Variants in MORC2 observed in about 807,000 individuals in gnomAD.
MORC2 encodes the protein ATPase MORC2.
A neutral mutation model predicts 136.0 loss-of-function variants in MORC2; 30 were observed. The ratio of observed to expected loss-of-function variants is 0.22; its 90% CI spans 0.17 to 0.30. The LOEUF is 0.30. MORC2 is among the 10% of genes least tolerant of loss of function. MORC2 has a pLI of 1.00. For missense variants in MORC2, 922 were observed against 1,333.1 expected, an observed-to-expected ratio of 0.69 and a Z score of 4.80; for synonymous variants, 439 against 487.0, an observed-to-expected ratio of 0.90 and a Z score of 1.30.
At chr22:30,965,861 A>C (rs532145396) in intron 1 of MORC2, among the ~76,000 whole-genome samples, 1 of 152,388 alleles carries the variant, frequency 6.6e-6, no homozygotes, top group African/African-American at 2.4e-5. Context: ...TTTATAGACA[A>C]GCAAATAGGC....
intron 3 of MORC2, among the ~76,000 whole-genome samples, chr22:30,953,322 C>G (rs925395420): frequency 3.9e-5 from 6 of 152,212 alleles, no homozygotes; most frequent in Non-Finnish European, 7.3e-5. Context: ...GCCGAACTGC[C>G]TGCTTTGCAG....
intron 24 of MORC2, among the ~76,000 whole-genome samples, chr22:30,928,470 G>A (rs1290640377): frequency 6.6e-6 from 1 of 152,234 alleles, no homozygotes; most frequent in Admixed American, 6.5e-5. Context: ...AGCAGGCCGT[G>A]AGGACGCGTG....
intron 5 of MORC2, among the ~76,000 whole-genome samples, chr22:30,947,301 A>G (rs1307374827): frequency 6.6e-6 from 1 of 152,236 alleles, no homozygotes; most frequent in Non-Finnish European, 1.5e-5. Context: ...GGCCACATTA[A>G]GCTGGCTAAG....
At chr22:30,936,897 G>T in intron 16 of MORC2, 35 bp downstream of exon 16, 1 of 1,580,388 alleles carries the variant, frequency 6.3e-7, no homozygotes, top group Non-Finnish European at 8.7e-7. Context: ...GGGGAGAAAA[G>T]TACCCACAAT....
Position 30,935,264 on chromosome 22 carries a change from G to C in MORC2, c.1796C>G (p.Thr599Ser). Residue 599 changes from threonine to serine, a missense_variant, in exon 18 of 26, where the codon ACC (threonine) becomes AGC (serine). Physicochemically the swap from Thr to Ser is moderately conservative, Grantham distance 58. Around this residue, in one of 9 missense-constraint regions of MORC2, gnomAD observed 184 missense variants for 180.3 expected, o/e 1.02. Transcript: ENST00000397641. ...DLKKLPLEVT[T>S]RPSTEEPVRR... ...GGACTTCACCTCAGTGGAAGGTCTG[G>C]TGGTCACTTCCAAGGGCAATTTCTT... The C allele has an allele frequency of 6.2e-7, 1 of 1,613,804 alleles. No individual in the cohort carries two copies. The highest frequency in any genetic ancestry group is 8.5e-7 in the Non-Finnish European group (1 of 1,179,902).
intron 1 of MORC2, among the ~76,000 whole-genome samples, chr22:30,959,467 A>G (rs1341856224): frequency 1.3e-5 from 2 of 152,246 alleles, no homozygotes; most frequent in African/African-American, 4.8e-5. Flanking sequence ...TAAATTACAC[A>G]AAAGTGTATG....
At chr22:30,963,965 A>T (rs1197814765) in intron 1 of MORC2, among the ~76,000 whole-genome samples, 2 of 152,206 alleles carry the variant, frequency 1.3e-5, no homozygotes, top group Non-Finnish European at 2.9e-5. Flanking sequence ...TGGCTTTAAT[A>T]TATTTAAGAT....
At chr22:30,950,305 C>T in intron 4 of MORC2, 72 bp downstream of exon 4, 1 of 1,512,276 alleles carries the variant, frequency 6.6e-7, no homozygotes, top group South Asian at 1.1e-5. Flanking sequence ...AACAAGTTCA[C>T]ACAATAAGTA....
At chr22:30,967,328 T>A in intron 1 of MORC2, 1 of 987,522 alleles carries the variant, frequency 1.0e-6, no homozygotes, top group South Asian at 4.6e-5. Context: ...ATGTGAGCAA[T>A]CTGCCAGGAA....
At position 30,967,994 on chromosome 22, in the gene MORC2, T is replaced by C. The variant is rs1383087743; in HGVS notation, c.-105A>G. On this transcript the variant is annotated 5_prime_UTR_variant, in exon 1 of 26. Coordinates refer to ENST00000397641, the MANE Select transcript of MORC2 (RefSeq NM_001303256.3). ...GTCCAGTAAAGCTTCAGTAAGTCTGTGCTCCTTAATGACAGTTAAAGTAAC... is the reference window on the plus strand; with the variant it reads ...GTCCAGTAAAGCTTCAGTAAGTCTGCGCTCCTTAATGACAGTTAAAGTAAC... 1.0e-6 allele frequency: 1 copy of C among 989,688 alleles called. No homozygotes were observed. Among genetic ancestry groups the C allele is most frequent in the Non-Finnish European group, 1.6e-6 (1 of 643,914 alleles). The allele number at this position is 989,688 out of a possible 1,614,324, so 61.3% of individuals were successfully genotyped here.
In MORC2 at chr22:30,968,587, G is replaced by A. The variant is rs1269477537; in HGVS notation, c.-698C>T. Among the ~76,000 whole-genome samples, 1 of 152,072 alleles carries A rather than the reference G, an allele frequency of 6.6e-6. No homozygotes were observed. Among genetic ancestry groups the A allele is most frequent in the Non-Finnish European group, 1.5e-5 (1 of 68,006 alleles). On this transcript the variant is annotated 5_prime_UTR_variant, in exon 1 of 26. Transcript: ENST00000397641. Reference sequence around the variant, plus strand: ...ACACCTCACAAATGACCCGCCCACAGCACCTCGGGCAGGCCGCGCCCCGCC... The same window carrying A: ...ACACCTCACAAATGACCCGCCCACAACACCTCGGGCAGGCCGCGCCCCGCC...
chr22:30,941,805 T>G lies in MORC2; in HGVS notation c.698+86A>C. ...CTACCACAGAACACTGGGCAATGAATGTGCTCTCCCCTCTTTCCCTGAAGC... is the reference window on the plus strand; with the variant it reads ...CTACCACAGAACACTGGGCAATGAAGGTGCTCTCCCCTCTTTCCCTGAAGC... On this transcript the variant is annotated intron_variant, in intron 8 of 25. Transcript: ENST00000397641. The surrounding 1 kb of genome is among the most constrained non-coding windows in gnomAD (Gnocchi z 4.6). 3 of 1,280,676 alleles carry G rather than the reference T, an allele frequency of 2.3e-6. No homozygotes were observed. The highest frequency in any genetic ancestry group is 2.2e-6 in the Non-Finnish European group (2 of 891,206). The allele number at this position is 1,280,676 out of a possible 1,614,324, so 79.3% of individuals were successfully genotyped here. A position where few individuals can be genotyped will look rare whatever the true frequency, so the allele number is the denominator to read the frequency against.
intron 24 of MORC2, among the ~76,000 whole-genome samples, chr22:30,929,714 T>C (rs1384403030): frequency 2.6e-5 from 4 of 151,888 alleles, no homozygotes; most frequent in African/African-American, 7.3e-5. Context: ...TGAGCCGAGA[T>C]TGCGCCACTG....
rs777048144 is a variant in MORC2, at chr22:30,934,134, C to T, written c.2251G>A (p.Glu751Lys). 6.2e-7 allele frequency: 1 copy of T among 1,614,052 alleles called. No individual in the cohort carries two copies. The highest frequency in any genetic ancestry group is 8.5e-7 in the Non-Finnish European group (1 of 1,180,026). ...AVSDEEEVEE[E>K]AERRKERCKR... The stretch of plus-strand genomic sequence containing the variant: ...CACCTCTCCTTCCTCCTCTCAGCTT[C>T]CTCCTCAACTTCTTCCTCATCAGAA... The change falls in exon 20 of 26, where the codon GAA becomes AAA. Residue 751 changes from glutamate (E) to lysine (K), a missense_variant. By Grantham distance (56) the Glu-to-Lys change is moderately conservative. Coordinates refer to ENST00000397641, the MANE Select transcript of MORC2 (RefSeq NM_001303256.3). The surrounding 1 kb of genome is among the most constrained non-coding windows in gnomAD (Gnocchi z 4.4).
chr22:30,935,961 T>C (rs1446908852), intron 17 of MORC2, among the ~76,000 whole-genome samples: 1 of 152,182 alleles, frequency 6.6e-6, no homozygotes, highest in Non-Finnish European at 1.5e-5. Context: ...TGCTGGTAAA[T>C]AATAGAAATT....
At chr22:30,957,153 A>C (rs1697388139) in intron 2 of MORC2, among the ~76,000 whole-genome samples, 2 of 152,258 alleles carry the variant, frequency 1.3e-5, no homozygotes, top group Non-Finnish European at 2.9e-5. Context: ...ATTTGATTGC[A>C]ATCATAAAAA....
chr22:30,953,146 C>T (rs575687817), intron 3 of MORC2, among the ~76,000 whole-genome samples: 2 of 152,296 alleles, frequency 1.3e-5, no homozygotes, highest in Admixed American at 1.3e-4. Flanking sequence ...TATATTCCAC[C>T]ATAGAGATAG....
intron 24 of MORC2, among the ~76,000 whole-genome samples, chr22:30,930,525 T>C (rs573570719): frequency 7.9e-5 from 12 of 152,192 alleles, no homozygotes; most frequent in Non-Finnish European, 1.5e-4. Flanking sequence ...TCAAATCTGG[T>C]CTCTGTCACT....
In MORC2 at chr22:30,943,555, T is replaced by C. The variant is rs199644281; in HGVS notation, c.427-1284A>G. Among the ~76,000 whole-genome samples the C allele has an allele frequency of 2.7e-3, 417 of 152,278 alleles. 4 individuals carry two copies. In the East Asian group the frequency reaches 0.037, roughly 14 times the overall value. Reference sequence around the variant, plus strand: ...ACTTCCCCAGAGGCTCCTCCCTCGGTGGTTATGAGGCCGCAGCCCTTGCAG... The same window carrying C: ...ACTTCCCCAGAGGCTCCTCCCTCGGCGGTTATGAGGCCGCAGCCCTTGCAG... On this transcript the variant is annotated intron_variant, in intron 6 of 25. Transcript: ENST00000397641.
Sources: gnomAD v4.1 joint callset for allele counts (sites outside exome capture counted in the v4.1 genomes callset) on GRCh38, gnomAD v4.1.1 for gene constraint, gnomAD v4.1.1 regional missense constraint, Gnocchi (gnomAD v3.1) non-coding constraint, MANE v1.5 for transcripts, NCBI Gene and HGNC (gene_info 2026-07-23, HGNC 2026-07-21) for gene names.